The following SNX29 variants were observed in gnomAD, a reference collection of about 807,000 sequenced individuals.
SNX29 encodes the protein sorting nexin 29.
In SNX29, 78 loss-of-function variants were observed where a neutral mutation model predicts 102.1. The ratio of observed to expected loss-of-function variants is 0.76; its 90% CI spans 0.64 to 0.92. SNX29 has a LOEUF of 0.92. Ranked by LOEUF, SNX29 falls within the 40% of genes least tolerant of loss-of-function variation. The pLI, the probability that SNX29 is intolerant of heterozygous loss-of-function variation, is 0.00. For synonymous variants in SNX29, 580 were observed against 414.5 expected (o/e 1.40, Z -4.85); for missense variants, 1,280 against 1,061.7 (o/e 1.21, Z -2.86).
chr16:12,471,035 C>T (rs1340284794), intron 18 of SNX29, among the ~76,000 whole-genome samples: 1 of 152,208 alleles, frequency 6.6e-6, no homozygotes, highest in African/African-American at 2.4e-5. Context: ...GGCCTCCCTC[C>T]CTATGTAGCT....
chr16:12,388,782 A>C (rs1171577158), intron 16 of SNX29, among the ~76,000 whole-genome samples: 1 of 152,250 alleles, frequency 6.6e-6, no homozygotes, highest in African/African-American at 2.4e-5. Context: ...CTGGAAATGC[A>C]AAAATGAATG....
intron 18 of SNX29, among the ~76,000 whole-genome samples, chr16:12,418,137 C>T (rs145378744): frequency 6.8e-4 from 104 of 152,216 alleles, no homozygotes; most frequent in African/African-American, 2.4e-3. Context: ...AGTATTCACC[C>T]AGAACTTTTA....
chr16:12,257,571 C>T (rs1163466774), intron 14 of SNX29, among the ~76,000 whole-genome samples: 1 of 152,112 alleles, frequency 6.6e-6, no homozygotes, highest in Non-Finnish European at 1.5e-5. Flanking sequence ...TGCAATGGCA[C>T]ATCTATAGCT....
chr16:12,423,163 A>G (rs1004749048), intron 18 of SNX29, among the ~76,000 whole-genome samples: 5 of 152,076 alleles, frequency 3.3e-5, no homozygotes, highest in Admixed American at 6.5e-5. Flanking sequence ...CGCTAAAGCC[A>G]GGAGAAGCAT....
intron 16 of SNX29, among the ~76,000 whole-genome samples, chr16:12,394,172 G>A (rs538359028): frequency 1.2e-4 from 19 of 152,314 alleles, no homozygotes; most frequent in African/African-American, 3.6e-4. Flanking sequence ...ACCCAGTTGT[G>A]CATCTGTATA....
intron 19 of SNX29, among the ~76,000 whole-genome samples, chr16:12,519,280 C>G (rs916412674): frequency 2.0e-5 from 3 of 152,194 alleles, no homozygotes; most frequent in South Asian, 2.1e-4. Flanking sequence ...CCATGTCCCC[C>G]AAAAGGTCAG....
intron 19 of SNX29, among the ~76,000 whole-genome samples, chr16:12,501,553 C>T (rs1457288507): frequency 6.6e-6 from 1 of 151,874 alleles, no homozygotes; most frequent in African/African-American, 2.4e-5. Context: ...GAAACGTCAT[C>T]TCTACTAAAA....
chr16:12,245,581 T>C (rs2078237109), intron 14 of SNX29, among the ~76,000 whole-genome samples: 2 of 152,038 alleles, frequency 1.3e-5, no homozygotes, highest in African/African-American at 4.8e-5. Context: ...GATTGTAGTT[T>C]ATTTATTTAT....
chr16:12,298,996 TAA>T (rs371181294), intron 15 of SNX29, among the ~76,000 whole-genome samples: 26 of 139,878 alleles, frequency 1.9e-4, no homozygotes, highest in Middle Eastern at 3.7e-3. Flanking sequence ...AATGAGTCTT[TAA>T]AAAAAAAAAA....
At chr16:12,087,464 G>C (rs2052260604) in intron 11 of SNX29, 2 of 211,738 alleles carry the variant, frequency 9.4e-6, no homozygotes, top group Admixed American at 1.0e-4. Flanking sequence ...GGTCATGGTG[G>C]CACATGTCTG....
intron 14 of SNX29, among the ~76,000 whole-genome samples, chr16:12,235,404 C>T (rs931822184): frequency 3.3e-5 from 5 of 152,112 alleles, no homozygotes; most frequent in Non-Finnish European, 7.4e-5. Flanking sequence ...GGTTAGGAAG[C>T]GGCAGTGATC....
At chr16:12,430,310 G>A (rs776687327) in intron 18 of SNX29, among the ~76,000 whole-genome samples, 41 of 152,354 alleles carry the variant, frequency 2.7e-4, no homozygotes, top group Admixed American at 5.2e-4. Context: ...TGGGGGCAAT[G>A]CCACCCAACT....
In SNX29 at chr16:12,441,913, CAAGTAGCTGGAATTA is replaced by C. The variant is rs577073445; in HGVS notation, c.2038-35802_2038-35788del. Among the ~76,000 whole-genome samples, 225 of 152,252 alleles carry C rather than the reference CAAGTAGCTGGAATTA, an allele frequency of 1.5e-3. 1 individual carries two copies. The highest frequency in any genetic ancestry group is 5.2e-3 in the African/African-American group (214 of 41,546). On this transcript the variant is annotated intron_variant, in intron 18 of 20. Coordinates refer to ENST00000566228, the MANE Select transcript of SNX29 (RefSeq NM_032167.5). ...AGGCTATTCTCCTGTCTCAGCCTCCCAAGTAGCTGGAATTAAAGACACCTGCCATTATGCCTGGCT... is the reference window on the plus strand; with the variant it reads ...AGGCTATTCTCCTGTCTCAGCCTCCCAAGACACCTGCCATTATGCCTGGCT...
chr16:12,226,955 C>T (rs954261198), intron 14 of SNX29, among the ~76,000 whole-genome samples: 2 of 152,146 alleles, frequency 1.3e-5, no homozygotes, highest in African/African-American at 4.8e-5. Context: ...CAGGGTCTGG[C>T]TACCATCCCT....
rs148111416 is a variant in SNX29, at chr16:12,438,328, A to C, written c.2037+34799A>C. On this transcript the variant is annotated intron_variant, in intron 18 of 20. Coordinates refer to ENST00000566228, the MANE Select transcript of SNX29 (RefSeq NM_032167.5). ...AAACTTTGACCTAATTTGAGAGCTCAGCTGGGTTCAGCGCTCTCCCCTCTC... is the reference window on the plus strand; with the variant it reads ...AAACTTTGACCTAATTTGAGAGCTCCGCTGGGTTCAGCGCTCTCCCCTCTC... 3.9e-4 allele frequency among the ~76,000 whole-genome samples: 60 copies of C among 152,274 alleles called. 1 individual carries two copies. The highest frequency in any genetic ancestry group is 3.4e-3 in the Middle Eastern group (1 of 294).
chr16:12,554,532 G>T (rs192084390), intron 20 of SNX29, among the ~76,000 whole-genome samples: 1 of 152,104 alleles, frequency 6.6e-6, no homozygotes, highest in African/African-American at 2.4e-5. Flanking sequence ...GAACATTCTC[G>T]CCCACGTTTT....
At chr16:12,349,901 T>A (rs1456529917) in intron 15 of SNX29, among the ~76,000 whole-genome samples, 1 of 152,234 alleles carries the variant, frequency 6.6e-6, no homozygotes, top group African/African-American at 2.4e-5. Context: ...TAAAAAACTT[T>A]CAATTCATTG....
rs184466411 is a variant in SNX29, at chr16:12,196,078, C to T, written c.1596-3523C>T. Among the ~76,000 whole-genome samples, 96 of 148,932 alleles carry T rather than the reference C, an allele frequency of 6.4e-4. 1 individual carries two copies. The South Asian group carries it at 0.012, about 19-fold the overall frequency. ...GCAACCTCCACCTCCCCGGCTCAAA[C>T]GATCCTCCCACCTCAGCCTCCCAAG... On this transcript the variant is annotated intron_variant, in intron 13 of 20. Transcript: ENST00000566228.
intron 13 of SNX29, among the ~76,000 whole-genome samples, chr16:12,134,674 G>A (rs2054594463): frequency 6.6e-6 from 1 of 152,212 alleles, no homozygotes; most frequent in South Asian, 2.1e-4. Flanking sequence ...TGTAGTCACA[G>A]TCAACCTTGG....
Sources: gnomAD v4.1 joint callset for allele counts (sites outside exome capture counted in the v4.1 genomes callset) on GRCh38, gnomAD v4.1.1 for gene constraint, MANE v1.5 for transcripts, NCBI Gene and HGNC (gene_info 2026-07-23, HGNC 2026-07-21) for gene names.